Variants in RABGAP1L observed in about 807,000 individuals in gnomAD.
RABGAP1L encodes the protein rab GTPase-activating protein 1-like.
In RABGAP1L, 63 loss-of-function variants were observed where a neutral mutation model predicts 137.7. The ratio of observed to expected loss-of-function variants is 0.46; its 90% CI spans 0.37 to 0.56. RABGAP1L has a LOEUF of 0.56. Ranked by LOEUF, RABGAP1L falls within the 20% of genes least tolerant of loss-of-function variation. The probability of loss-of-function intolerance (pLI) is 0.00; values close to 1 mark genes in which losing one functional copy is unlikely to be tolerated. For synonymous variants in RABGAP1L, 431 were observed against 433.7 expected (o/e 0.99, Z 0.08); for missense variants, 1,095 against 1,244.0 (o/e 0.88, Z 1.80).
chr1:174,954,752 T>C (rs1407602566), intron 19 of RABGAP1L, among the ~76,000 whole-genome samples: 1 of 152,032 alleles, frequency 6.6e-6, no homozygotes, highest in African/African-American at 2.4e-5. Context: ...GCTCCTGGAG[T>C]AGGCTCTCTC....
chr1:174,175,688 C>T (rs1483955988), intron 1 of RABGAP1L, among the ~76,000 whole-genome samples: 3 of 146,270 alleles, frequency 2.1e-5, no homozygotes, highest in East Asian at 2.0e-4. Flanking sequence ...TGCAATGGTG[C>T]GATCTCAGCT....
chr1:174,795,757 TAG>T (rs1266924443), intron 18 of RABGAP1L, among the ~76,000 whole-genome samples: 2 of 152,194 alleles, frequency 1.3e-5, no homozygotes, highest in Admixed American at 6.5e-5. Context: ...TAATTATTTA[TAG>T]AGACAAGGTT....
At chr1:174,958,846 C>T (rs754863040) in intron 20 of RABGAP1L, among the ~76,000 whole-genome samples, 3 of 152,140 alleles carry the variant, frequency 2.0e-5, no homozygotes, top group Non-Finnish European at 4.4e-5. Context: ...GTTATTGAAC[C>T]TCTTCCTCAT....
chr1:174,195,808 T>C (rs1260295130), intron 1 of RABGAP1L, among the ~76,000 whole-genome samples: 1 of 111,232 alleles, frequency 9.0e-6, no homozygotes, highest in Non-Finnish European at 2.1e-5. Flanking sequence ...TTTCTTTCTT[T>C]CTATCCTTCT....
At chr1:174,174,657 T>TAG (rs1665690284) in intron 1 of RABGAP1L, among the ~76,000 whole-genome samples, 1 of 152,186 alleles carries the variant, frequency 6.6e-6, no homozygotes, top group Non-Finnish European at 1.5e-5. Context: ...GCTGAAAAAC[T>TAG]AGGGGGCTGC....
chr1:174,196,287 G>A lies in RABGAP1L; in HGVS notation c.-33-22838G>A, dbSNP rs1176319149. On this transcript the variant is annotated intron_variant, in intron 1 of 25. Coordinates refer to ENST00000681986, the MANE Select transcript of RABGAP1L (RefSeq NM_001366446.1). ...CGCCCAGGCTGGAGTGCAGTGGCAC[G>A]ATCTTGGCTCACTGCAAGCTCTGCC... 2.0e-5 allele frequency among the ~76,000 whole-genome samples: 3 copies of A among 148,848 alleles called. No individual in the cohort carries two copies. The East Asian group carries it at 6.0e-4, about 30-fold the overall frequency.
At chr1:174,519,070 A>C (rs953224025) in intron 13 of RABGAP1L, among the ~76,000 whole-genome samples, 52 of 151,732 alleles carry the variant, frequency 3.4e-4, no homozygotes, top group Non-Finnish European at 5.0e-4. Flanking sequence ...TTCCCTAGAA[A>C]GACAGAACTA....
intron 19 of RABGAP1L, among the ~76,000 whole-genome samples, chr1:174,925,387 AAAC>A (rs1346967017): frequency 2.0e-5 from 3 of 151,524 alleles, no homozygotes; most frequent in African/African-American, 4.8e-5. Context: ...AAACAGCAAA[AAAC>A]AACAACAAAA....
At chr1:174,910,030 T>A (rs1375119553) in intron 19 of RABGAP1L, among the ~76,000 whole-genome samples, 1 of 152,096 alleles carries the variant, frequency 6.6e-6, no homozygotes, top group African/African-American at 2.4e-5. Context: ...TCCCAGCTAC[T>A]TGGGAGGCTG....
intron 4 of RABGAP1L, 63 bp from the exon 5 acceptor site, chr1:174,241,420 G>A: frequency 8.7e-7 from 1 of 1,153,952 alleles, no homozygotes; most frequent in Non-Finnish European, 1.2e-6. Context: ...AAACCTAACT[G>A]GAAATATGTC....
rs559114730 is a variant in RABGAP1L at position 174,598,997 on chromosome 1, T to C, written c.1711-38378T>C. ...GATCTTTCTCCCTCCCTCCCTCCCT[T>C]TCTCTCTCCTTCCCTTCCTTCCTTT... On this transcript the variant is annotated intron_variant, in intron 13 of 25. Transcript: ENST00000681986. Among the ~76,000 whole-genome samples, 20 of 149,986 alleles carry C rather than the reference T, an allele frequency of 1.3e-4. No homozygotes were observed. The East Asian group carries it at 3.5e-3, about 26-fold the overall frequency.
chr1:174,394,961 T>C (rs77585179), intron 13 of RABGAP1L, among the ~76,000 whole-genome samples: 1 of 145,926 alleles, frequency 6.9e-6, no homozygotes, highest in African/African-American at 2.6e-5. Flanking sequence ...TTTTTTTTTT[T>C]AATTTAACTT....
chr1:174,655,863 G>A (rs1675930884), intron 14 of RABGAP1L, among the ~76,000 whole-genome samples: 1 of 152,080 alleles, frequency 6.6e-6, no homozygotes, highest in African/African-American at 2.4e-5. Context: ...CATCCTTTGA[G>A]CCTTGCCTTT....
chr1:174,586,316 G>C (rs144870683), intron 13 of RABGAP1L, among the ~76,000 whole-genome samples: 1 of 147,316 alleles, frequency 6.8e-6, no homozygotes, highest in Admixed American at 6.8e-5. Flanking sequence ...CAAACACCTC[G>C]TGTTGTAAGT....
At chr1:174,656,344 G>A (rs1288538870) in intron 14 of RABGAP1L, among the ~76,000 whole-genome samples, 2 of 152,126 alleles carry the variant, frequency 1.3e-5, no homozygotes, top group African/African-American at 4.8e-5. Flanking sequence ...TGTAATCCCA[G>A]CTATTTGGAA....
intron 19 of RABGAP1L, among the ~76,000 whole-genome samples, chr1:174,908,050 T>C (rs1024914433): frequency 3.2e-4 from 49 of 152,088 alleles, no homozygotes; most frequent in African/African-American, 1.1e-3. Context: ...AATCAAAGAA[T>C]GTAAAAAGAG....
At chr1:174,401,768 A>G (rs964067565) in intron 13 of RABGAP1L, among the ~76,000 whole-genome samples, 1 of 152,188 alleles carries the variant, frequency 6.6e-6, no homozygotes, top group Non-Finnish European at 1.5e-5. Context: ...TCAAAAAGGC[A>G]AAGAAGCAGC....
intron 19 of RABGAP1L, chr1:174,877,537 G>A: frequency 6.2e-7 from 1 of 1,614,062 alleles, no homozygotes; most frequent in Middle Eastern, 1.7e-4. Flanking sequence ...TGACGCCCAT[G>A]TTTTCAGCCA....
intron 13 of RABGAP1L, among the ~76,000 whole-genome samples, chr1:174,476,252 A>G (rs985942671): frequency 6.6e-6 from 1 of 152,194 alleles, no homozygotes; most frequent in Non-Finnish European, 1.5e-5. Context: ...AATGTTGCCT[A>G]TGCTATTTTT....
Sources: gnomAD v4.1 joint callset for allele counts (sites outside exome capture counted in the v4.1 genomes callset) on GRCh38, gnomAD v4.1.1 for gene constraint, MANE v1.5 for transcripts, NCBI Gene and HGNC (gene_info 2026-07-23, HGNC 2026-07-21) for gene names.